Variants in MRAP2 observed in about 807,000 individuals in gnomAD.
The protein encoded by MRAP2 is melanocortin-2 receptor accessory protein 2.
A neutral mutation model predicts 17.4 loss-of-function variants in MRAP2; 20 were observed. The ratio of observed to expected loss-of-function variants is 1.15; its 90% CI spans 0.81 to 1.67. MRAP2 has a LOEUF of 1.67. MRAP2 is among the 40% of genes most tolerant of loss of function. The pLI, the probability that MRAP2 is intolerant of heterozygous loss-of-function variation, is 0.00. For missense variants in MRAP2, 238 were observed against 240.0 expected, an observed-to-expected ratio of 0.99 and a Z score of 0.05; for synonymous variants, 96 against 88.4, an observed-to-expected ratio of 1.09 and a Z score of -0.48.
At chr6:84,100,843 A>G in the MRAP2 span, among the ~76,000 whole-genome samples, 1 of 152,088 alleles carries the variant, frequency 6.6e-6, no homozygotes, top group Non-Finnish European at 1.5e-5. Context: ...TTGAAAAACT[A>G]GTTTTATACT....
intron 1 of MRAP2, among the ~76,000 whole-genome samples, chr6:84,047,411 G>A (rs1030053043): frequency 6.0e-5 from 9 of 150,534 alleles, no homozygotes; most frequent in Admixed American, 4.6e-4. Context: ...GGCTGGTCTC[G>A]AACTCCTGGA....
the MRAP2 span, among the ~76,000 whole-genome samples, chr6:84,101,811 T>C: frequency 2.6e-5 from 4 of 152,252 alleles, no homozygotes; most frequent in Non-Finnish European, 5.9e-5. Flanking sequence ...CATTAAATAC[T>C]ATAGCAGTCA....
At chr6:84,119,894 T>C in the MRAP2 span, among the ~76,000 whole-genome samples, 1 of 152,204 alleles carries the variant, frequency 6.6e-6, no homozygotes. Flanking sequence ...AAAAGTTCTG[T>C]TCCTCTAGCA....
At chr6:84,086,094 T>TA (rs1039598419) in intron 3 of MRAP2, among the ~76,000 whole-genome samples, 1 of 152,140 alleles carries the variant, frequency 6.6e-6, no homozygotes, top group African/African-American at 2.4e-5. Context: ...TCAACCTAAA[T>TA]AACAAATACT....
At chr6:84,142,391 T>C in the MRAP2 span, among the ~76,000 whole-genome samples, 4 of 152,250 alleles carry the variant, frequency 2.6e-5, no homozygotes, top group Non-Finnish European at 5.9e-5. Context: ...TCTATGTTTA[T>C]GTACATCTAT....
intron 2 of MRAP2, chr6:84,062,352 A>C (rs1186779136): frequency 4.1e-6 from 1 of 244,116 alleles, no homozygotes; most frequent in East Asian, 1.8e-4. Context: ...TTTTCTGTAC[A>C]TCATTTTCCT....
chr6:84,038,179 G>A (rs1588617501), intron 1 of MRAP2, among the ~76,000 whole-genome samples: 1 of 152,254 alleles, frequency 6.6e-6, no homozygotes, highest in East Asian at 1.9e-4. Context: ...AGGGCCCCTG[G>A]CAGCAGAAGT....
the MRAP2 span, among the ~76,000 whole-genome samples, chr6:84,117,685 G>GGTT: frequency 6.8e-6 from 1 of 147,236 alleles, no homozygotes; most frequent in Non-Finnish European, 1.5e-5. Context: ...GTGTGTGTGT[G>GGTT]GTTGTTGTTG....
chr6:84,108,267 T>C, the MRAP2 span, among the ~76,000 whole-genome samples: 3 of 152,040 alleles, frequency 2.0e-5, no homozygotes, highest in South Asian at 4.1e-4. Flanking sequence ...AATTGCCACA[T>C]TGGTTGAACT....
chr6:84,097,730 T>G, the MRAP2 span, among the ~76,000 whole-genome samples: 1 of 152,236 alleles, frequency 6.6e-6, no homozygotes, highest in Non-Finnish European at 1.5e-5. Context: ...TTAATGTTTC[T>G]TATTCTTATA....
In MRAP2 at chr6:84,089,448, A is replaced by T. The variant is rs766635074; in HGVS notation, c.585A>T (p.Pro195=). The change falls in exon 4 of 4, where the codon CCA becomes CCT. Residue 195 remains proline (P), a synonymous_variant. Coordinates refer to ENST00000257776, the MANE Select transcript of MRAP2 (RefSeq NM_138409.4). ...SEPPIVLETK[P]LSQTSHKDLD Reference sequence around the variant, plus strand: ...CACCTATTGTTCTGGAAACTAAGCCACTTTCCCAGACCTCACACAAAGACC... The same window carrying T: ...CACCTATTGTTCTGGAAACTAAGCCTCTTTCCCAGACCTCACACAAAGACC... The T allele has an allele frequency of 1.2e-6, 2 of 1,613,842 alleles. No individual in the cohort carries two copies. Among genetic ancestry groups the T allele is most frequent in the South Asian group, 2.2e-5 (2 of 91,060 alleles).
chr6:84,063,286 A>G (rs907026535), intron 3 of MRAP2: 47 of 985,020 alleles, frequency 4.8e-5, no homozygotes, highest in Non-Finnish European at 5.7e-5. Flanking sequence ...TTTATTAATT[A>G]CAATGTATTT....
the MRAP2 span, among the ~76,000 whole-genome samples, chr6:84,133,053 T>C: frequency 1.3e-5 from 2 of 152,218 alleles, no homozygotes; most frequent in Admixed American, 1.3e-4. Flanking sequence ...GTATGTCCTT[T>C]ATGTTTGTTA....
At chr6:84,085,353 C>T (rs1004880117) in intron 3 of MRAP2, among the ~76,000 whole-genome samples, 1 of 152,244 alleles carries the variant, frequency 6.6e-6, no homozygotes, top group South Asian at 2.1e-4. Flanking sequence ...CGCGCCCGGC[C>T]CCTTCATTTC....
intron 1 of MRAP2, among the ~76,000 whole-genome samples, chr6:84,043,953 T>G (rs1397120134): frequency 6.6e-6 from 1 of 152,210 alleles, no homozygotes; most frequent in African/African-American, 2.4e-5. Flanking sequence ...TGTAGTGGGA[T>G]AGATTAATGA....
At chr6:84,049,037 T>C (rs1304077892) in intron 1 of MRAP2, among the ~76,000 whole-genome samples, 2 of 152,168 alleles carry the variant, frequency 1.3e-5, no homozygotes, top group African/African-American at 4.8e-5. Context: ...GCTTCTTTCC[T>C]GGTGTGTAAC....
the MRAP2 span, among the ~76,000 whole-genome samples, chr6:84,133,927 CATCTT>C: frequency 6.6e-6 from 1 of 152,300 alleles, no homozygotes; most frequent in East Asian, 1.9e-4. Context: ...AGAAATCACC[CATCTT>C]ATGAGTCGCT....
chr6:84,128,197 A>G, the MRAP2 span, among the ~76,000 whole-genome samples: 555 of 152,336 alleles, frequency 3.6e-3, 5 homozygotes, highest in Non-Finnish European at 5.8e-3. Context: ...TTGGTAAATC[A>G]CATAAACTTA....
chr6:84,037,620 C>T (rs2129156463), intron 1 of MRAP2, among the ~76,000 whole-genome samples: 1 of 152,304 alleles, frequency 6.6e-6, no homozygotes, highest in East Asian at 1.9e-4. Context: ...GTCCTGAGCT[C>T]TGCCCCACAG....
Sources: gnomAD v4.1 joint callset for allele counts (sites outside exome capture counted in the v4.1 genomes callset) on GRCh38, gnomAD v4.1.1 for gene constraint, MANE v1.5 for transcripts, NCBI Gene and HGNC (gene_info 2026-07-23, HGNC 2026-07-21) for gene names.